WWP1: variants seen among roughly 807,000 people sequenced by gnomAD.
WWP1 encodes NEDD4-like E3 ubiquitin-protein ligase WWP1.
WWP1 carries 49 observed loss-of-function variants against 130.6 expected under a neutral mutation model. That is an observed-to-expected ratio of 0.38 (90% CI 0.30 to 0.48). WWP1 has a LOEUF of 0.48. WWP1 is among the 20% of genes least tolerant of loss of function. The probability of loss-of-function intolerance (pLI) is 0.99; values close to 1 mark genes in which losing one functional copy is unlikely to be tolerated. For missense variants in WWP1, 809 were observed against 1,100.6 expected (o/e 0.74, Z 3.75); for synonymous variants, 332 against 367.8 (o/e 0.90, Z 1.11).
intron 8 of WWP1, 90 bp downstream of exon 8, chr8:86,402,293 G>C: frequency 7.0e-7 from 1 of 1,438,242 alleles, no homozygotes; most frequent in Non-Finnish European, 9.3e-7. Flanking sequence ...TTTTTGTGTA[G>C]TCTTTTTTTT....
At chr8:86,411,911 G>A (rs1459769209) in intron 9 of WWP1, 37 bp downstream of exon 9, 5 of 1,530,134 alleles carry the variant, frequency 3.3e-6, no homozygotes, top group South Asian at 1.2e-5. Context: ...TTGCATTTAA[G>A]TAGCAACTCT....
chr8:86,420,648 A>G lies in WWP1; in HGVS notation c.1062-4575A>G, dbSNP rs1000318480. Among the ~76,000 whole-genome samples the G allele has an allele frequency of 2.2e-4, 34 of 152,220 alleles. 1 individual carries two copies. Among genetic ancestry groups the G allele is most frequent in the Admixed American group, 1.6e-3 (25 of 15,286 alleles). On this transcript the variant is annotated intron_variant, in intron 9 of 24. Transcript: ENST00000517970. ...AGTAAAAGAAGTAAATACCAAAAAA[A>G]TGGACTGAAACAGTTGAAAATGTTG...
intron 22 of WWP1, 136 bp from the exon 23 acceptor site, chr8:86,461,088 T>A (rs6471351): frequency 1.4e-6 from 1 of 698,950 alleles, no homozygotes; most frequent in Non-Finnish European, 2.3e-6. Flanking sequence ...GGATTACAGG[T>A]GTGAGCCACC....
At chr8:86,425,083 C>A in intron 9 of WWP1, 140 bp from the exon 10 acceptor site, 1 of 534,150 alleles carries the variant, frequency 1.9e-6, no homozygotes, top group Non-Finnish European at 3.2e-6. Context: ...TATATAATAG[C>A]CTTTATATAT....
At chr8:86,430,031 T>A (rs2130668692) in intron 11 of WWP1, among the ~76,000 whole-genome samples, 1 of 152,142 alleles carries the variant, frequency 6.6e-6, no homozygotes, top group South Asian at 2.1e-4. Context: ...AAACCTTGTC[T>A]CTACAAAAAA....
At chr8:86,425,876 C>G (rs868440912) in intron 10 of WWP1, among the ~76,000 whole-genome samples, 2 of 152,176 alleles carry the variant, frequency 1.3e-5, no homozygotes, top group African/African-American at 2.4e-5. Flanking sequence ...CCTTTGTATT[C>G]TTTCATAACT....
intron 5 of WWP1, among the ~76,000 whole-genome samples, chr8:86,392,740 GT>G (rs1312610390): frequency 6.6e-6 from 1 of 150,942 alleles, no homozygotes; most frequent in Non-Finnish European, 1.5e-5. Flanking sequence ...GACAAATTTT[GT>G]TTTATAAATT....
At chr8:86,380,041 C>CA (rs565148766) in intron 3 of WWP1, among the ~76,000 whole-genome samples, 14 of 152,152 alleles carry the variant, frequency 9.2e-5, no homozygotes, top group Non-Finnish European at 1.3e-4. Context: ...CATACGTCCA[C>CA]AAAAAAGCCT....
rs369982607 is a variant in WWP1, at chr8:86,391,401, C to T, written c.335-6941C>T. 6.4e-4 allele frequency among the ~76,000 whole-genome samples: 98 copies of T among 152,182 alleles called. No individual in the cohort carries two copies. The East Asian group carries it at 9.9e-3, about 15-fold the overall frequency. ...CTATGGAAATAATTTTTTGGCTCTG[C>T]GGAGATGTGTGGTATTTTTAGCTTT... On this transcript the variant is annotated intron_variant, in intron 5 of 24. Coordinates refer to ENST00000517970, the MANE Select transcript of WWP1 (RefSeq NM_007013.4).
At chr8:86,414,237 GTGTGTGTGTGTA>G (rs1475803683) in intron 9 of WWP1, among the ~76,000 whole-genome samples, 4 of 151,132 alleles carry the variant, frequency 2.6e-5, no homozygotes, top group African/African-American at 7.3e-5. Context: ...CTGTGTGTGT[GTGTGTGTGTGTA>G]TGTGTGTGTA....
chr8:86,368,543 A>G (rs1026808651), intron 1 of WWP1, among the ~76,000 whole-genome samples: 2 of 152,152 alleles, frequency 1.3e-5, no homozygotes, highest in Non-Finnish European at 1.5e-5. Flanking sequence ...AGAGCTTCCA[A>G]AGTTATTTTT....
chr8:86,423,063 A>ATTTTTT (rs200170387), intron 9 of WWP1, among the ~76,000 whole-genome samples: 1 of 140,598 alleles, frequency 7.1e-6, no homozygotes, highest in South Asian at 2.3e-4. Context: ...AGGTTTCTTC[A>ATTTTTT]TTTTTTTTTT....
chr8:86,378,581 A>G (rs28504305), intron 3 of WWP1, among the ~76,000 whole-genome samples: 20,042 of 152,192 alleles, frequency 0.13, 3,528 homozygotes, highest in African/African-American at 0.41. Context: ...AAAAATCTAT[A>G]TATTCTACTA....
intron 5 of WWP1, among the ~76,000 whole-genome samples, chr8:86,397,166 A>G (rs926291769): frequency 1.3e-5 from 2 of 152,242 alleles, no homozygotes; most frequent in East Asian, 1.9e-4. Context: ...TTTGTTAAAT[A>G]TAGGAAAGAT....
intron 9 of WWP1, among the ~76,000 whole-genome samples, chr8:86,415,521 T>C (rs1477183187): frequency 6.6e-6 from 1 of 152,188 alleles, no homozygotes; most frequent in Non-Finnish European, 1.5e-5. Context: ...CAATATGTTT[T>C]AAAATTTTTT....
At chr8:86,360,021 C>T (rs1823485276) in intron 1 of WWP1, among the ~76,000 whole-genome samples, 1 of 151,488 alleles carries the variant, frequency 6.6e-6, no homozygotes, top group African/African-American at 2.4e-5. Flanking sequence ...TGCACTCCAG[C>T]CTGGGCAACA....
chr8:86,360,455 C>G (rs918930154), intron 1 of WWP1, among the ~76,000 whole-genome samples: 17 of 152,182 alleles, frequency 1.1e-4, no homozygotes, highest in African/African-American at 3.6e-4. Flanking sequence ...ATAGTTCCTG[C>G]CTGCTGTCCA....
chr8:86,459,023 C>CTT (rs71275853), intron 22 of WWP1, among the ~76,000 whole-genome samples: 363 of 84,230 alleles, frequency 4.3e-3, no homozygotes, highest in Middle Eastern at 0.011. Context: ...TTTCTTTTTT[C>CTT]TTTTTTTTTT....
At chr8:86,382,201 A>G (rs940459103) in intron 5 of WWP1, among the ~76,000 whole-genome samples, 1 of 152,168 alleles carries the variant, frequency 6.6e-6, no homozygotes, top group African/African-American at 2.4e-5. Flanking sequence ...TCTGCTTTCT[A>G]GAAATTTAAC....
Sources: allele counts gnomAD v4.1 joint callset (sites outside exome capture counted in the v4.1 genomes callset), GRCh38; gene constraint gnomAD v4.1.1; transcripts MANE v1.5; gene names NCBI Gene and HGNC (gene_info 2026-07-23, HGNC 2026-07-21).